Variants in SV2C observed in about 807,000 individuals in gnomAD.
SV2C encodes synaptic vesicle glycoprotein 2C.
Under a neutral mutation model 79.7 loss-of-function variants are expected in SV2C, and 49 were observed. The ratio of observed to expected loss-of-function variants is 0.61; its 90% CI spans 0.49 to 0.78. SV2C has a LOEUF of 0.78. SV2C is among the 30% of genes least tolerant of loss of function. SV2C has a pLI of 0.00. For synonymous variants in SV2C, 334 were observed against 333.2 expected, an observed-to-expected ratio of 1.00 and a Z score of -0.03; for missense variants, 833 against 912.9, an observed-to-expected ratio of 0.91 and a Z score of 1.13.
chr5:75,920,984 G>T, the SV2C span: 1 of 708,590 alleles, frequency 1.4e-6, no homozygotes, highest in Non-Finnish European at 2.6e-6. Flanking sequence ...CTCCAGTGCT[G>T]TGTGCTCCCC....
At chr5:76,263,379 C>G (rs554217199) in intron 4 of SV2C, among the ~76,000 whole-genome samples, 47 of 152,080 alleles carry the variant, frequency 3.1e-4, no homozygotes, top group Admixed American at 1.8e-3. Context: ...AGATGGGTCT[C>G]CTGAATAGAG....
At chr5:76,115,087 T>A (rs1748220250) in intron 1 of SV2C, among the ~76,000 whole-genome samples, 1 of 152,214 alleles carries the variant, frequency 6.6e-6, no homozygotes, top group African/African-American at 2.4e-5. Context: ...TTTATGTCTA[T>A]TAAATTAGGT....
intron 1 of SV2C, among the ~76,000 whole-genome samples, chr5:76,121,120 G>A (rs1748479533): frequency 6.6e-6 from 1 of 151,224 alleles, no homozygotes; most frequent in Non-Finnish European, 1.5e-5. Context: ...GATGGCCAGT[G>A]ATGATGAGCA....
At position 76,144,912 on chromosome 5, in the gene SV2C, G is replaced by A. The variant is rs556905930; in HGVS notation, c.580+12582G>A. On this transcript the variant is annotated intron_variant, in intron 2 of 12. Coordinates refer to ENST00000502798, the MANE Select transcript of SV2C (RefSeq NM_014979.4). ...AAATTCTGAGAAATGAGGGAATTTT[G>A]AGTTTATAAGTACACTGCATGTTAA... Among the ~76,000 whole-genome samples, 7 of 152,150 alleles carry A rather than the reference G, an allele frequency of 4.6e-5. No individual in the cohort carries two copies. In the South Asian group the frequency reaches 8.3e-4, roughly 18 times the overall value.
chr5:76,131,942 C>T lies in SV2C; in HGVS notation c.192C>T (p.Thr64=). The change falls in exon 2 of 13, where the codon ACC becomes ACT. Residue 64 remains threonine, a synonymous_variant. Transcript: ENST00000502798. ...DDDDYYPAGE[T]YNGEANDDEG... ...ATGACTACTACCCGGCTGGAGAAAC[C>T]TATAATGGTGAGGCCAACGATGACG... is the stretch of plus-strand genomic sequence containing the variant. The T allele has an allele frequency of 1.2e-6, 2 of 1,614,046 alleles. No individual in the cohort carries two copies. Among genetic ancestry groups the T allele is most frequent in the Admixed American group, 1.7e-5 (1 of 60,016 alleles).
intron 12 of SV2C, among the ~76,000 whole-genome samples, chr5:76,350,711 G>C (rs1749626843): frequency 6.6e-6 from 1 of 152,180 alleles, no homozygotes; most frequent in Non-Finnish European, 1.5e-5. Flanking sequence ...TAAACAAATA[G>C]ATCAACAAAA....
At chr5:75,994,347 C>T in the SV2C span, among the ~76,000 whole-genome samples, 2 of 152,168 alleles carry the variant, frequency 1.3e-5, no homozygotes, top group Admixed American at 1.3e-4. Context: ...AGGCGTTCCA[C>T]CTCTGGCTCT....
chr5:76,238,660 T>C (rs1745692762), intron 4 of SV2C, among the ~76,000 whole-genome samples: 1 of 152,200 alleles, frequency 6.6e-6, no homozygotes, highest in African/African-American at 2.4e-5. Context: ...GCAGGCAGCC[T>C]TTTAATCCAA....
rs748688242 is a variant in SV2C, at chr5:76,330,440, G to A, written c.*4893G>A. ...TTATTGAGCACCTCCCATGTGATAC[G>A]TATTGAGACACTGCTGTGTGCAATA... On this transcript the variant is annotated 3_prime_UTR_variant, in exon 13 of 13. Transcript: ENST00000502798. The A allele has an allele frequency of 5.3e-5, 8 of 152,000 alleles. No individual in the cohort carries two copies. The highest frequency in any genetic ancestry group is 2.1e-4 in the South Asian group (1 of 4,814). 9.4% of individuals were successfully genotyped at this position (152,000 alleles called of 1,614,324 possible). A position where few individuals can be genotyped will look rare whatever the true frequency, so the allele number is the denominator to read the frequency against.
intron 4 of SV2C, among the ~76,000 whole-genome samples, chr5:76,275,465 C>A (rs1746996936): frequency 6.9e-6 from 1 of 143,978 alleles, no homozygotes; most frequent in Admixed American, 7.0e-5. Flanking sequence ...CCAGCCTGGG[C>A]AACAGAGCGA....
chr5:76,104,154 C>T (rs956159002), intron 1 of SV2C, among the ~76,000 whole-genome samples: 24 of 152,140 alleles, frequency 1.6e-4, no homozygotes, highest in African/African-American at 5.8e-4. Flanking sequence ...CTGTAGGTAG[C>T]ACTATGAGCA....
intron 2 of SV2C, among the ~76,000 whole-genome samples, chr5:76,142,839 A>G (rs575285489): frequency 2.0e-5 from 3 of 152,188 alleles, no homozygotes; most frequent in African/African-American, 7.2e-5. Flanking sequence ...GGGAACAGTC[A>G]AGGCTGACTA....
At position 76,227,617 on chromosome 5, in the gene SV2C, C is replaced by T. The variant is rs1745292475; in HGVS notation, c.913+17730C>T. ...AAGTCTTAGTTATCTTTATAACCTC[C>T]GTGGCACTGAACACAATGCATGAGC... On this transcript the variant is annotated intron_variant, in intron 4 of 12. Coordinates refer to ENST00000502798, the MANE Select transcript of SV2C (RefSeq NM_014979.4). Among the ~76,000 whole-genome samples, 3 of 152,290 alleles carry T rather than the reference C, an allele frequency of 2.0e-5. 1 individual carries two copies. In the South Asian group the frequency reaches 6.2e-4, roughly 32 times the overall value.
At chr5:76,322,110 C>A (rs1312236253) in intron 12 of SV2C, among the ~76,000 whole-genome samples, 1 of 152,162 alleles carries the variant, frequency 6.6e-6, no homozygotes, top group Non-Finnish European at 1.5e-5. Flanking sequence ...TGAGAAAATT[C>A]CGTGGGCTCT....
At chr5:76,353,228 A>C in exon 13 of SV2C, 1 of 334,528 alleles carries the variant, frequency 3.0e-6, no homozygotes, top group Non-Finnish European at 6.1e-6. Context: ...TACAGTCTCG[A>C]GCCACTGCAC....
chr5:76,217,191 C>A (rs1744928519), intron 4 of SV2C, among the ~76,000 whole-genome samples: 1 of 152,200 alleles, frequency 6.6e-6, no homozygotes, highest in Non-Finnish European at 1.5e-5. Context: ...CCATAAACGT[C>A]AGACTTACCC....
chr5:75,927,744 G>A, the SV2C span, among the ~76,000 whole-genome samples: 12 of 152,336 alleles, frequency 7.9e-5, no homozygotes, highest in Non-Finnish European at 1.6e-4. Flanking sequence ...TGCCTTGGTT[G>A]TGATGATGGT....
chr5:76,146,317 G>T (rs575944753), intron 2 of SV2C, among the ~76,000 whole-genome samples: 11 of 152,154 alleles, frequency 7.2e-5, no homozygotes, highest in African/African-American at 2.4e-4. Flanking sequence ...AGGAATAAAA[G>T]AATAGCTACT....
the SV2C span, among the ~76,000 whole-genome samples, chr5:75,906,541 G>C: frequency 1.3e-5 from 2 of 152,080 alleles, no homozygotes; most frequent in Non-Finnish European, 2.9e-5. Flanking sequence ...ATGGATTAAG[G>C]TGATGGATGG....
Sources: allele counts gnomAD v4.1 joint callset (sites outside exome capture counted in the v4.1 genomes callset), GRCh38; gene constraint gnomAD v4.1.1; transcripts MANE v1.5; gene names NCBI Gene and HGNC (gene_info 2026-07-23, HGNC 2026-07-21).